Variants in MPC1 observed in about 807,000 individuals in gnomAD.
MPC1 encodes the protein HSPC040 protein.
MPC1 carries 6 observed loss-of-function variants against 13.9 expected under a neutral mutation model. The ratio of observed to expected loss-of-function variants is 0.43; its 90% confidence interval spans 0.24 to 0.85. The LOEUF (loss-of-function observed/expected upper bound fraction) is 0.85. MPC1 is among the 40% of genes least tolerant of loss of function. MPC1 has a pLI of 0.24. For missense variants in MPC1, 115 were observed against 143.3 expected (o/e 0.80, Z 1.01); for synonymous variants, 47 against 50.5 (o/e 0.93, Z 0.29).
chr6:166,370,242 G>A (rs369678367), intron 1 of MPC1, 21 bp from the exon 2 acceptor site: 21 of 772,980 alleles, frequency 2.7e-5, no homozygotes, highest in African/African-American at 1.2e-4. Flanking sequence ...AAGAGTCACC[G>A]AAGTTCAGAC....
At chr6:166,371,070 C>G (rs1159377207) in intron 1 of MPC1, among the ~76,000 whole-genome samples, 1 of 152,150 alleles carries the variant, frequency 6.6e-6, no homozygotes, top group Non-Finnish European at 1.5e-5. Flanking sequence ...TCAGTAGCCA[C>G]CTGTGGCTAG....
At chr6:166,374,810 C>T (rs1779510689) in intron 1 of MPC1, among the ~76,000 whole-genome samples, 1 of 152,138 alleles carries the variant, frequency 6.6e-6, no homozygotes, top group African/African-American at 2.4e-5. Context: ...CTGTCTATTC[C>T]TTTGCCAGTA....
chr6:166,368,890 C>T, intron 2 of MPC1: 1 of 985,458 alleles, frequency 1.0e-6, no homozygotes, highest in South Asian at 4.7e-5. Flanking sequence ...CTCCTCTGCA[C>T]TGTATGGTGG....
At chr6:166,371,797 G>A (rs1309748172) in intron 1 of MPC1, among the ~76,000 whole-genome samples, 6 of 152,108 alleles carry the variant, frequency 3.9e-5, no homozygotes, top group South Asian at 4.1e-4. Context: ...ATTAGGCAGA[G>A]TAAGAGATTG....
At chr6:166,379,573 A>G (rs913485771) in intron 1 of MPC1, among the ~76,000 whole-genome samples, 8 of 152,252 alleles carry the variant, frequency 5.3e-5, no homozygotes, top group African/African-American at 1.9e-4. Context: ...AAATAAATTT[A>G]TAATCTGTGT....
At chr6:166,366,667 C>T in intron 3 of MPC1, 128 bp downstream of exon 3, 2 of 839,264 alleles carry the variant, frequency 2.4e-6, no homozygotes, top group East Asian at 4.9e-5. Flanking sequence ...TAACACTCTT[C>T]CATGCCATCA....
chr6:166,366,208 ACCT>A, intron 3 of MPC1, 102 bp from the exon 4 acceptor site: 1 of 1,308,022 alleles, frequency 7.6e-7, no homozygotes, highest in Non-Finnish European at 1.0e-6. Flanking sequence ...TCAAAAAAGA[ACCT>A]CTTCTGCGAA....
At chr6:166,370,353 C>A (rs1340759330) in intron 1 of MPC1, 132 bp from the exon 2 acceptor site, 1 of 618,378 alleles carries the variant, frequency 1.6e-6, no homozygotes. Context: ...AACAGGACTA[C>A]AACGTTAACA....
chr6:166,371,768 G>A (rs976932015), intron 1 of MPC1, among the ~76,000 whole-genome samples: 4 of 152,098 alleles, frequency 2.6e-5, no homozygotes, highest in Non-Finnish European at 4.4e-5. Context: ...ACATACCTAT[G>A]ATAATGTTTA....
chr6:166,370,228 T>A lies in MPC1; in HGVS notation c.72-7A>T, dbSNP rs1313590306. On this transcript the variant is annotated splice_region_variant and splice_polypyrimidine_tract_variant and intron_variant, in intron 1 of 4. Transcript: ENST00000360961. Reference sequence around the variant, plus strand: ...AAATAATTTTCTTACCGTACTATTTTGTGAAGAGTCACCGAAGTTCAGACA... The same window carrying A: ...AAATAATTTTCTTACCGTACTATTTAGTGAAGAGTCACCGAAGTTCAGACA... 1.3e-6 allele frequency: 1 copy of A among 776,774 alleles called. No homozygotes were observed. Among genetic ancestry groups the A allele is most frequent in the African/African-American group, 1.7e-5 (1 of 58,954 alleles). 48.1% of individuals were successfully genotyped at this position (776,774 alleles called of 1,614,324 possible).
chr6:166,376,351 G>T (rs1779569378), intron 1 of MPC1, among the ~76,000 whole-genome samples: 1 of 152,204 alleles, frequency 6.6e-6, no homozygotes, highest in South Asian at 2.1e-4. Flanking sequence ...CTGAGAACCT[G>T]AAGGACCACT....
intron 1 of MPC1, 84 bp downstream of exon 1, chr6:166,382,722 G>A: frequency 7.2e-7 from 1 of 1,395,202 alleles, no homozygotes; most frequent in Non-Finnish European, 9.5e-7. Flanking sequence ...GCGTCCTCGC[G>A]GCCGCCCTCG....
At chr6:166,368,784 T>A (rs1432078408) in intron 2 of MPC1, 3 of 985,340 alleles carry the variant, frequency 3.0e-6, no homozygotes, top group Non-Finnish European at 3.6e-6. Context: ...TTCAACTCTC[T>A]ATTATTCCAT....
intron 1 of MPC1, among the ~76,000 whole-genome samples, chr6:166,380,674 C>G (rs1779734598): frequency 6.6e-6 from 1 of 152,078 alleles, no homozygotes; most frequent in African/African-American, 2.4e-5. Flanking sequence ...CATGGTGGCT[C>G]ACACCTGCTA....
chr6:166,381,822 T>C, intron 1 of MPC1: 10 of 984,120 alleles, frequency 1.0e-5, no homozygotes, highest in Non-Finnish European at 1.2e-5. Context: ...GAATTTCGTA[T>C]ATAAAAACAT....
At chr6:166,367,251 A>T (rs1779195414) in intron 2 of MPC1, 7 of 951,532 alleles carry the variant, frequency 7.4e-6, no homozygotes, top group Non-Finnish European at 9.2e-6. Context: ...GCTATAATTC[A>T]AACCCTGTTA....
rs1779859774 is a variant in MPC1 at position 166,382,903 on chromosome 6, G to A, written c.-27C>T. 6.3e-7 allele frequency: 1 copy of A among 1,582,136 alleles called. No individual in the cohort carries two copies. ...GCTGTGCCGACACCAGACCCCGAGT[G>A]GTCCCTGCCTCTGCTGCCGCTTCCC... On this transcript the variant is annotated 5_prime_UTR_variant, in exon 1 of 5. Coordinates refer to ENST00000360961, the MANE Select transcript of MPC1 (RefSeq NM_016098.4).
intron 1 of MPC1, among the ~76,000 whole-genome samples, chr6:166,373,181 T>C (rs1779442848): frequency 6.6e-6 from 1 of 152,166 alleles, no homozygotes; most frequent in Non-Finnish European, 1.5e-5. Flanking sequence ...ATATCTACAT[T>C]AAGGTTCCCT....
intron 1 of MPC1, 112 bp downstream of exon 1, chr6:166,382,694 C>T (rs1779847518): frequency 8.6e-7 from 1 of 1,159,282 alleles, no homozygotes. Flanking sequence ...CCCGGCCCAC[C>T]CGCTGCCCGG....
Sources: allele counts gnomAD v4.1 joint callset (sites outside exome capture counted in the v4.1 genomes callset), GRCh38; gene constraint gnomAD v4.1.1; transcripts MANE v1.5; gene names NCBI Gene and HGNC (gene_info 2026-07-23, HGNC 2026-07-21).